The following AZIN2 variants were observed in gnomAD, a reference collection of about 807,000 sequenced individuals.
The protein encoded by AZIN2 is antizyme inhibitor 2, also known as ODC antizyme inhibitor-2.
AZIN2 carries 28 observed loss-of-function variants against 47.8 expected under a neutral mutation model. The observed-to-expected ratio is 0.59, with a 90% CI of 0.43 to 0.80. AZIN2 has a LOEUF of 0.80. Ranked by LOEUF, AZIN2 falls within the 30% of genes least tolerant of loss-of-function variation. The probability of loss-of-function intolerance (pLI) is 0.00; values close to 1 mark genes in which losing one functional copy is unlikely to be tolerated. For synonymous variants in AZIN2, 221 were observed against 239.4 expected (o/e 0.92, Z 0.71); for missense variants, 535 against 582.5 (o/e 0.92, Z 0.84).
At chr1:33,149,458 T>A in the AZIN2 span, among the ~76,000 whole-genome samples, 29,055 of 146,598 alleles carry the variant, frequency 0.2, 3,155 homozygotes, top group South Asian at 0.3. Context: ...TGGATTCTTT[T>A]AAAAAAAAAA....
Position 33,081,800 on chromosome 1 carries a change from G to C in AZIN2, c.-85G>C, listed in dbSNP as rs1234324634. 1 of 250,116 alleles carries C rather than the reference G, an allele frequency of 4.0e-6. No homozygotes were observed. Among genetic ancestry groups the C allele is most frequent in the Non-Finnish European group, 7.9e-6 (1 of 126,294 alleles). 15.5% of individuals were successfully genotyped at this position (250,116 alleles called of 1,614,324 possible). On this transcript the variant is annotated 5_prime_UTR_variant, in exon 3 of 12. Transcript: ENST00000294517. This position sits in a 1 kb window ranked among gnomAD's most constrained non-coding sequence, Gnocchi z 4.2. ...GCTGAGACGCCTTGATGTGGCCACCGGCTACCCTCTAGGTGGGCGTGGTCA... is the reference window on the plus strand; with the variant it reads ...GCTGAGACGCCTTGATGTGGCCACCCGCTACCCTCTAGGTGGGCGTGGTCA...
chr1:33,159,818 T>C, the AZIN2 span: 8 of 1,613,794 alleles, frequency 5.0e-6, no homozygotes, highest in African/African-American at 2.7e-5. The surrounding 1 kb of genome is among the most constrained non-coding windows in gnomAD (Gnocchi z 4.2). Flanking sequence ...TTCTGCTCGA[T>C]GTCGGTCAGC....
intron 4 of AZIN2, 54 bp downstream of exon 4, chr1:33,082,408 C>T (rs1292046174): frequency 1.4e-6 from 2 of 1,384,276 alleles, no homozygotes; most frequent in Admixed American, 4.1e-5. Context: ...GATCAGCTGC[C>T]TCCTCAGGAA....
chr1:33,123,155 C>T lies in AZIN2; in HGVS notation c.*2973C>T, dbSNP rs1644825952. Among the ~76,000 whole-genome samples, 1 of 152,200 alleles carries T rather than the reference C, an allele frequency of 6.6e-6. No homozygotes were observed. The highest frequency in any genetic ancestry group is 1.5e-5 in the Non-Finnish European group (1 of 68,036). On this transcript the variant is annotated 3_prime_UTR_variant, in exon 12 of 12. Transcript: ENST00000294517. ...TCACTCACTTCATTCAGGTTCTGTG[C>T]AAATGTTTTCTTTAGGTGAAGCCTT...
At chr1:33,144,135 CT>C in the AZIN2 span, among the ~76,000 whole-genome samples, 20 of 146,568 alleles carry the variant, frequency 1.4e-4, no homozygotes, top group African/African-American at 4.5e-4. Flanking sequence ...AATGTTACTT[CT>C]TTTTTTTTTT....
chr1:33,155,867 A>G, the AZIN2 span, among the ~76,000 whole-genome samples: 1 of 152,170 alleles, frequency 6.6e-6, no homozygotes, highest in African/African-American at 2.4e-5. Flanking sequence ...CCAACACCTG[A>G]TAAGTCTACT....
chr1:33,149,317 T>A, the AZIN2 span, among the ~76,000 whole-genome samples: 1 of 152,098 alleles, frequency 6.6e-6, no homozygotes, highest in Admixed American at 6.5e-5. Context: ...CACGCCTGGC[T>A]AATTTTTTGT....
At position 33,092,087 on chromosome 1, in the gene AZIN2, C is replaced by T. The variant is rs149862225; in HGVS notation, c.317C>T (p.Ala106Val). 6.2e-7 allele frequency: 1 copy of T among 1,614,122 alleles called. No homozygotes were observed. Among genetic ancestry groups the T allele is most frequent in the Non-Finnish European group, 8.5e-7 (1 of 1,179,998 alleles). ...MELVQHIGIP[A>V]SKIICANPCK... Reference sequence around the variant, plus strand: ...TTGGTCCAGCATATTGGAATCCCTGCCAGTAAGATCATCTGCGCCAACCCC... The same window carrying T: ...TTGGTCCAGCATATTGGAATCCCTGTCAGTAAGATCATCTGCGCCAACCCC... The change falls in exon 6 of 12, where the codon GCC (alanine) becomes GTC (valine). Residue 106 changes from alanine to valine, a missense_variant. By Grantham distance (64) the Ala-to-Val change is moderately conservative. Transcript: ENST00000294517.
chr1:33,082,781 C>A (rs1641430356), intron 4 of AZIN2: 1 of 164,128 alleles, frequency 6.1e-6, no homozygotes, highest in Non-Finnish European at 1.4e-5. Flanking sequence ...TGTTCAAAAT[C>A]TGAATTTGGC....
intron 8 of AZIN2, among the ~76,000 whole-genome samples, chr1:33,096,109 A>G (rs1196052345): frequency 6.6e-6 from 1 of 152,220 alleles, no homozygotes; most frequent in Non-Finnish European, 1.5e-5. Context: ...AAGTTCTGGG[A>G]TTACAGGCAT....
chr1:33,105,917 G>A (rs1389276842), intron 10 of AZIN2, among the ~76,000 whole-genome samples: 3 of 152,144 alleles, frequency 2.0e-5, no homozygotes, highest in Non-Finnish European at 4.4e-5. Context: ...TCCTTTTATT[G>A]CCAAGATGGG....
chr1:33,092,281 C>G (rs112947092), intron 6 of AZIN2, 59 bp downstream of exon 6: 4 of 1,313,388 alleles, frequency 3.0e-6, no homozygotes, highest in East Asian at 4.1e-5. Flanking sequence ...CTGTGGGGAG[C>G]CTGGGCTGTG....
chr1:33,133,621 G>C, the AZIN2 span, among the ~76,000 whole-genome samples: 3 of 152,330 alleles, frequency 2.0e-5, no homozygotes, highest in South Asian at 4.1e-4. Flanking sequence ...CAAAGGGATG[G>C]GGCATCAGGG....
chr1:33,156,590 G>A, the AZIN2 span, among the ~76,000 whole-genome samples: 1 of 152,084 alleles, frequency 6.6e-6, no homozygotes, highest in Non-Finnish European at 1.5e-5. Flanking sequence ...GGAGTGTTCC[G>A]GGGCTCCTGA....
In AZIN2 at chr1:33,121,039, G is replaced by T. The variant is rs1644783922; in HGVS notation, c.*857G>T. 6.6e-6 allele frequency among the ~76,000 whole-genome samples: 1 copy of T among 152,128 alleles called. No homozygotes were observed. The highest frequency in any genetic ancestry group is 6.5e-5 in the Admixed American group (1 of 15,284). On this transcript the variant is annotated 3_prime_UTR_variant, in exon 12 of 12. Coordinates refer to ENST00000294517, the MANE Select transcript of AZIN2 (RefSeq NM_052998.4). ...ACAGGGCTGGCCACGGAGTATTGCT[G>T]TGTCCAGTGCCGACAGCCCTGGCAT...
intron 4 of AZIN2, chr1:33,083,653 G>T (rs1164205010): frequency 2.2e-6 from 1 of 445,502 alleles, no homozygotes; most frequent in Non-Finnish European, 4.2e-6. Flanking sequence ...ACACAGGAGT[G>T]GGGAGGGTAT....
chr1:33,125,779 C>G (rs1644852278), downstream of AZIN2, among the ~76,000 whole-genome samples: 1 of 152,128 alleles, frequency 6.6e-6, no homozygotes, highest in South Asian at 2.1e-4. Flanking sequence ...GCCAGACACA[C>G]TTACAACCCC....
At position 33,096,854 on chromosome 1, in the gene AZIN2, C is replaced by G. The variant is rs777809105; in HGVS notation, c.901C>G (p.Gln301Glu). The stretch of plus-strand genomic sequence containing the variant: ...TGCCAAGAAGGAGGTTCTGCTAGAC[C>G]AGCCTGGCAGGGAGGGTAGGTGCCA... Reference protein sequence around the residue: ...IIAKKEVLLDQPGREEENGST... With the variant: ...IIAKKEVLLDEPGREEENGST... The change falls in exon 9 of 12, where the codon CAG becomes GAG. Residue 301 changes from glutamine to glutamate, a missense_variant. Around this residue, in one of 3 missense-constraint regions of AZIN2, gnomAD observed 409 missense variants for 429.0 expected, o/e 0.95. Coordinates refer to ENST00000294517, the MANE Select transcript of AZIN2 (RefSeq NM_052998.4). 56 of 1,614,014 alleles carry G rather than the reference C, an allele frequency of 3.5e-5. No individual in the cohort carries two copies. The highest frequency in any genetic ancestry group is 4.6e-5 in the Non-Finnish European group (54 of 1,180,032).
rs1343180082 is a variant in AZIN2 at position 33,084,000 on chromosome 1, G to A, written c.152G>A (p.Arg51Lys). The A allele has an allele frequency of 6.2e-7, 1 of 1,614,194 alleles. No homozygotes were observed. Among genetic ancestry groups the A allele is most frequent in the Admixed American group, 1.7e-5 (1 of 60,028 alleles). ...FFVADLGAIV[R>K]KHFCFLKCLP... is the part of the protein sequence containing the mutation. ...GTGGCTGACCTGGGTGCCATAGTGA[G>A]GAAGCACTTTTGCTTTCTGAAGTGC... The change falls in exon 5 of 12, where the codon AGG becomes AAG. Residue 51 changes from arginine to lysine, a missense_variant. Physicochemically the swap from Arg to Lys is conservative, Grantham distance 26. This residue lies in a region of AZIN2 where 409 missense variants were observed against 429.0 expected (regional missense o/e 0.95). Transcript: ENST00000294517.
Sources: allele counts gnomAD v4.1 joint callset (sites outside exome capture counted in the v4.1 genomes callset), GRCh38; gene constraint gnomAD v4.1.1; regional missense constraint gnomAD v4.1.1; non-coding constraint Gnocchi (gnomAD v3.1); transcripts MANE v1.5; gene names NCBI Gene and HGNC (gene_info 2026-07-23, HGNC 2026-07-21).